The following DNAJC21 variants were observed in gnomAD, a reference collection of about 807,000 sequenced individuals.
DNAJC21 encodes DnaJ heat shock protein family (Hsp40) member C21, also known as dnaJ homolog subfamily C member 21.
DNAJC21 carries 63 observed loss-of-function variants against 72.4 expected under a neutral mutation model. That is an observed-to-expected ratio of 0.87 (90% CI 0.71 to 1.07). DNAJC21 has a LOEUF of 1.07. Among genes scored for constraint, DNAJC21 ranks in the 50% least tolerant of loss-of-function variants. The probability of loss-of-function intolerance (pLI) is 0.00; values close to 1 mark genes in which losing one functional copy is unlikely to be tolerated. For synonymous variants in DNAJC21, 203 were observed against 216.7 expected, an observed-to-expected ratio of 0.94 and a Z score of 0.56; for missense variants, 634 against 644.8, an observed-to-expected ratio of 0.98 and a Z score of 0.18.
intron 6 of DNAJC21, among the ~76,000 whole-genome samples, chr5:34,939,689 A>T (rs17304123): frequency 0.058 from 8,880 of 151,934 alleles, 370 homozygotes; most frequent in South Asian, 0.12. Flanking sequence ...CTCCCTTGTG[A>T]CTTTATAGAA....
chr5:34,951,326 T>C (rs140032951), intron 10 of DNAJC21: 508 of 985,380 alleles, frequency 5.2e-4, no homozygotes, highest in Admixed American at 6.8e-4. Flanking sequence ...AATTTCAGGT[T>C]AATTGTCCAA....
intron 9 of DNAJC21, among the ~76,000 whole-genome samples, chr5:34,947,852 G>A (rs1007540885): frequency 6.6e-6 from 1 of 151,926 alleles, no homozygotes; most frequent in African/African-American, 2.4e-5. Flanking sequence ...AAATCAGGAA[G>A]TATAATGCCT....
rs550757196 is a variant in DNAJC21, at chr5:34,941,611, G to A, written c.983+428G>A. ...AGACAGAGTCTCACTCTGTTGCCCCGGCTGGAGTGCAGTGGCACGATCTCA... is the reference window on the plus strand; with the variant it reads ...AGACAGAGTCTCACTCTGTTGCCCCAGCTGGAGTGCAGTGGCACGATCTCA... On this transcript the variant is annotated intron_variant, in intron 7 of 11. Coordinates refer to ENST00000648817, the MANE Select transcript of DNAJC21 (RefSeq NM_001012339.3). 5.9e-5 allele frequency among the ~76,000 whole-genome samples: 7 copies of A among 118,076 alleles called. No homozygotes were observed. In the South Asian group the frequency reaches 1.2e-3, roughly 20 times the overall value. 77.5% of individuals were successfully genotyped at this position (118,076 alleles called of 152,430 possible).
chr5:34,935,955 A>C (rs1764756431), intron 3 of DNAJC21, 122 bp downstream of exon 3: 2 of 1,442,078 alleles, frequency 1.4e-6, no homozygotes, highest in East Asian at 4.7e-5. Context: ...TGAAAACTGA[A>C]GATGCATTGC....
chr5:34,940,461 C>G (rs1036872353), intron 6 of DNAJC21, among the ~76,000 whole-genome samples: 8 of 152,054 alleles, frequency 5.3e-5, no homozygotes, highest in African/African-American at 1.9e-4. Context: ...TATAATAAAT[C>G]CCAAATGACA....
At position 34,958,528 on chromosome 5, in the gene DNAJC21, A is replaced by G. The variant is rs754022475; in HGVS notation, c.*3814A>G. 6.6e-6 allele frequency: 1 copy of G among 152,240 alleles called. No individual in the cohort carries two copies. The highest frequency in any genetic ancestry group is 1.5e-5 in the Non-Finnish European group (1 of 68,042). 9.4% of individuals were successfully genotyped at this position (152,240 alleles called of 1,614,324 possible). Reference sequence around the variant, plus strand: ...GAAGGATTTCTTTAAAGCAAGACACAAAAGCATACACAGGAAAAAATGATG... The same window carrying G: ...GAAGGATTTCTTTAAAGCAAGACACGAAAGCATACACAGGAAAAAATGATG... On this transcript the variant is annotated 3_prime_UTR_variant, in exon 12 of 12. Transcript: ENST00000648817.
intron 10 of DNAJC21, among the ~76,000 whole-genome samples, chr5:34,953,014 G>T (rs747180056): frequency 3.3e-5 from 5 of 151,990 alleles, no homozygotes; most frequent in Non-Finnish European, 5.9e-5. Flanking sequence ...GCTGAGTATG[G>T]TGGCACGTGC....
At position 34,936,157 on chromosome 5, in the gene DNAJC21, T is replaced by C. The variant is rs367757169; in HGVS notation, c.329T>C (p.Val110Ala). The C allele has an allele frequency of 6.2e-7, 1 of 1,613,774 alleles. No individual in the cohort carries two copies. Among genetic ancestry groups the C allele is most frequent in the Non-Finnish European group, 8.5e-7 (1 of 1,179,930 alleles). The part of the protein sequence containing the change: ...YGDDEKGFYT[V>A]YRNVFEMIAK... ...ACTGTTTTTTAGGGATTTTACACGGTGTATCGTAATGTTTTTGAAATGATT... is the reference window on the plus strand; with the variant it reads ...ACTGTTTTTTAGGGATTTTACACGGCGTATCGTAATGTTTTTGAAATGATT... Residue 110 changes from valine to alanine, a missense_variant, in exon 4 of 12, where the codon GTG (valine) becomes GCG (alanine). Coordinates refer to ENST00000648817, the MANE Select transcript of DNAJC21 (RefSeq NM_001012339.3).
intron 9 of DNAJC21, chr5:34,949,646 A>G (rs1038573864): frequency 6.2e-7 from 1 of 1,613,264 alleles, no homozygotes; most frequent in South Asian, 1.1e-5. Context: ...AGCGAGCACA[A>G]ATGTGCCAAA....
chr5:34,932,566 A>G (rs529723554), intron 1 of DNAJC21, among the ~76,000 whole-genome samples: 4 of 152,336 alleles, frequency 2.6e-5, no homozygotes, highest in Admixed American at 6.5e-5. Flanking sequence ...CAGCAAGCCT[A>G]TGTTGACTAT....
rs545662667 is a variant in DNAJC21 at position 34,939,076 on chromosome 5, T to C, written c.895+67T>C. On this transcript the variant is annotated intron_variant, in intron 6 of 11. Transcript: ENST00000648817. ...GTGAAGCTGGAAATCTCCTTGCTTA[T>C]TTGACATCTCCCAATTTTTAAATGT... The C allele has an allele frequency of 1.3e-4, 178 of 1,369,202 alleles. 1 individual carries two copies. The South Asian group carries it at 2.5e-3, about 19-fold the overall frequency. The allele number at this position is 1,369,202 out of a possible 1,614,324, so 84.8% of individuals were successfully genotyped here.
At chr5:34,932,726 G>A (rs886179352) in intron 1 of DNAJC21, among the ~76,000 whole-genome samples, 1 of 152,218 alleles carries the variant, frequency 6.6e-6, no homozygotes, top group African/African-American at 2.4e-5. Flanking sequence ...AGGCCTCAGT[G>A]CTCTGCCGGC....
At chr5:34,950,657 C>CA in intron 10 of DNAJC21, 1 of 1,017,438 alleles carries the variant, frequency 9.8e-7, no homozygotes, top group African/African-American at 1.7e-5. Context: ...ACTTGACACT[C>CA]ACATGAGAAC....
chr5:34,945,580 GTTA>G (rs1362513579), intron 8 of DNAJC21, 178 bp from the exon 9 acceptor site: 1 of 548,936 alleles, frequency 1.8e-6, no homozygotes, highest in African/African-American at 2.0e-5. Flanking sequence ...ACAGCCTTGT[GTTA>G]TTCTCTAAAA....
rs1765573168 is a variant in DNAJC21 at position 34,957,599 on chromosome 5, CAGA to C, written c.*2888_*2890del. 1 of 152,118 alleles carries C rather than the reference CAGA, an allele frequency of 6.6e-6. No individual in the cohort carries two copies. The highest frequency in any genetic ancestry group is 2.4e-5 in the African/African-American group (1 of 41,424). 9.4% of individuals were successfully genotyped at this position (152,118 alleles called of 1,614,324 possible). ...TGAGAAGACTTATAAAGGATTTCATCAGAAGTTTTCATTTTTTCTAAATCCTCC... is the reference window on the plus strand; with the variant it reads ...TGAGAAGACTTATAAAGGATTTCATCAGTTTTCATTTTTTCTAAATCCTCC... On this transcript the variant is annotated 3_prime_UTR_variant, in exon 12 of 12. Transcript: ENST00000648817.
At chr5:34,949,969 T>A (rs1031380993) in intron 9 of DNAJC21, among the ~76,000 whole-genome samples, 5 of 152,238 alleles carry the variant, frequency 3.3e-5, no homozygotes, top group African/African-American at 1.2e-4. Context: ...CTTCATATAT[T>A]CAGCCATTCA....
At position 34,938,908 on chromosome 5, in the gene DNAJC21, AGAAAGAG is replaced by A. The variant is rs1163870349; in HGVS notation, c.795_801del (p.Glu265AspfsTer63). 6.2e-7 allele frequency: 1 copy of A among 1,614,176 alleles called. No individual in the cohort carries two copies. On this transcript the variant is annotated frameshift_variant, in exon 6 of 12. Transcript: ENST00000648817. LOFTEE classifies it high-confidence loss of function. ...AGCTGGATGACTATGGCCAATTTGG[AGAAAGAG>A]CTCCAGGAGATGGAGGCACGGTACG...
chr5:34,947,146 T>C (rs1765198374), intron 9 of DNAJC21, among the ~76,000 whole-genome samples: 1 of 152,050 alleles, frequency 6.6e-6, no homozygotes, highest in African/African-American at 2.4e-5. Context: ...CCAGAAAAAT[T>C]CCATAACCAA....
intron 7 of DNAJC21, among the ~76,000 whole-genome samples, chr5:34,944,385 T>G (rs1765102064): frequency 6.6e-6 from 1 of 152,230 alleles, no homozygotes; most frequent in Admixed American, 6.5e-5. Context: ...AACATTAAAA[T>G]GTGTGTCTTC....
Sources: gnomAD v4.1 joint callset for allele counts (sites outside exome capture counted in the v4.1 genomes callset) on GRCh38, gnomAD v4.1.1 for gene constraint, MANE v1.5 for transcripts, NCBI Gene and HGNC (gene_info 2026-07-23, HGNC 2026-07-21) for gene names.